Variants in VPS26A observed in about 807,000 individuals in gnomAD.
VPS26A encodes vacuolar protein sorting-associated protein 26A.
A neutral mutation model predicts 42.4 loss-of-function variants in VPS26A; 22 were observed. That is an observed-to-expected ratio of 0.52 (90% CI 0.37 to 0.74). VPS26A has a LOEUF of 0.74. VPS26A is among the 30% of genes least tolerant of loss of function. VPS26A has a pLI of 0.00. For synonymous variants in VPS26A, 110 were observed against 123.5 expected (o/e 0.89, Z 0.73); for missense variants, 276 against 379.2 (o/e 0.73, Z 2.26).
intron 6 of VPS26A, among the ~76,000 whole-genome samples, chr10:69,163,766 CTTTTTTT>C (rs869154106): frequency 2.2e-5 from 3 of 133,612 alleles, no homozygotes; most frequent in Non-Finnish European, 3.2e-5. Context: ...TTTCAGTTTT[CTTTTTTT>C]TTTTTTTTTT....
At chr10:69,166,464 T>C (rs892765278) in intron 7 of VPS26A, among the ~76,000 whole-genome samples, 3 of 152,248 alleles carry the variant, frequency 2.0e-5, no homozygotes. Context: ...CATTAATTCC[T>C]GTAGGTTTTT....
rs1841839568 is a variant in VPS26A, at chr10:69,172,531, A to T, written c.*1262A>T. Reference sequence around the variant, plus strand: ...TGTCAGTTAACCTTACTTTATGAGTAAGCTAAATAACCCAAATTACATTTC... The same window carrying T: ...TGTCAGTTAACCTTACTTTATGAGTTAGCTAAATAACCCAAATTACATTTC... On this transcript the variant is annotated 3_prime_UTR_variant, in exon 9 of 9. Coordinates refer to ENST00000263559, the MANE Select transcript of VPS26A (RefSeq NM_004896.5). The T allele has an allele frequency of 1.3e-5, 2 of 152,646 alleles. No homozygotes were observed. Among genetic ancestry groups the T allele is most frequent in the African/African-American group, 4.8e-5 (2 of 41,446 alleles). The allele number at this position is 152,646 out of a possible 1,614,324, so 9.5% of individuals were successfully genotyped here. A position where few individuals can be genotyped will look rare whatever the true frequency, so the allele number is the denominator to read the frequency against.
chr10:69,171,419 A>G lies in VPS26A; in HGVS notation c.*150A>G. 1 of 575,578 alleles carries G rather than the reference A, an allele frequency of 1.7e-6. No homozygotes were observed. The highest frequency in any genetic ancestry group is 2.3e-5 in the South Asian group (1 of 43,124). The allele number at this position is 575,578 out of a possible 1,614,324, so 35.7% of individuals were successfully genotyped here. A position where few individuals can be genotyped will look rare whatever the true frequency, so the allele number is the denominator to read the frequency against. On this transcript the variant is annotated 3_prime_UTR_variant, in exon 9 of 9. Transcript: ENST00000263559. The stretch of plus-strand genomic sequence containing the variant: ...TCCTTTATCTTACAGCGCAGCATTT[A>G]TTTTATGATATAATGAAATGTTCGT...
intron 2 of VPS26A, among the ~76,000 whole-genome samples, chr10:69,149,894 C>A (rs1841261405): frequency 4.6e-5 from 7 of 151,326 alleles, no homozygotes; most frequent in Admixed American, 4.6e-4. Context: ...CAGGCGCGTG[C>A]CATCACGCCC....
intron 6 of VPS26A, among the ~76,000 whole-genome samples, chr10:69,162,949 CAAAA>C (rs1841592437): frequency 6.6e-6 from 1 of 151,720 alleles, no homozygotes; most frequent in Non-Finnish European, 1.5e-5. Context: ...AAAAGAAAAA[CAAAA>C]ACCAAAACTT....
chr10:69,138,654 AT>A (rs1392327415), intron 2 of VPS26A, among the ~76,000 whole-genome samples: 1 of 152,122 alleles, frequency 6.6e-6, no homozygotes, highest in Non-Finnish European at 1.5e-5. Flanking sequence ...TAATAAATTT[AT>A]TTTTATTTGT....
intron 2 of VPS26A, among the ~76,000 whole-genome samples, chr10:69,136,759 T>C (rs35512233): frequency 0.18 from 27,008 of 152,044 alleles, 2,788 homozygotes; most frequent in Non-Finnish European, 0.23. Context: ...ATGCTTGACC[T>C]TTTTCCTTTT....
intron 2 of VPS26A, among the ~76,000 whole-genome samples, chr10:69,137,399 A>G (rs986415909): frequency 3.9e-5 from 6 of 152,316 alleles, no homozygotes; most frequent in South Asian, 2.1e-4. Flanking sequence ...TCTGAAGTTC[A>G]GGATTTTCTT....
chr10:69,129,205 A>G (rs1000604866), intron 1 of VPS26A, among the ~76,000 whole-genome samples: 1 of 152,018 alleles, frequency 6.6e-6, no homozygotes, highest in Non-Finnish European at 1.5e-5. Flanking sequence ...CTACCCTTTC[A>G]TGATTGCTCC....
At chr10:69,152,333 G>A (rs1841330767) in intron 2 of VPS26A, among the ~76,000 whole-genome samples, 1 of 151,996 alleles carries the variant, frequency 6.6e-6, no homozygotes, top group Non-Finnish European at 1.5e-5. Flanking sequence ...AAATATAATC[G>A]GCATATACTT....
intron 5 of VPS26A, among the ~76,000 whole-genome samples, chr10:69,159,009 T>A (rs1281182494): frequency 6.6e-6 from 1 of 152,240 alleles, no homozygotes; most frequent in African/African-American, 2.4e-5. Context: ...GATTGCCATT[T>A]AAATGCCCAC....
intron 2 of VPS26A, among the ~76,000 whole-genome samples, chr10:69,142,978 A>G (rs1293357988): frequency 6.6e-6 from 1 of 152,230 alleles, no homozygotes; most frequent in East Asian, 1.9e-4. Flanking sequence ...AGAATATAAG[A>G]AAAGCCCTTA....
In VPS26A at chr10:69,166,034, T is replaced by C; in HGVS notation, c.659-8T>C. 2 of 1,609,626 alleles carry C rather than the reference T, an allele frequency of 1.2e-6. No individual in the cohort carries two copies. The highest frequency in any genetic ancestry group is 1.7e-6 in the Non-Finnish European group (2 of 1,176,588). On this transcript the variant is annotated splice_region_variant and splice_polypyrimidine_tract_variant and intron_variant, in intron 6 of 8. Coordinates refer to ENST00000263559, the MANE Select transcript of VPS26A (RefSeq NM_004896.5). ...TTTAAATTAATGTTATTTACATTAT[T>C]GCACTAGGACCCAGTACCACAACAG...
rs987568600 is a variant in VPS26A, at chr10:69,124,186, G to T, written c.-92G>T. The T allele has an allele frequency of 3.0e-5, 37 of 1,246,038 alleles. No individual in the cohort carries two copies. Among genetic ancestry groups the T allele is most frequent in the Non-Finnish European group, 3.8e-5 (37 of 985,500 alleles). The allele number at this position is 1,246,038 out of a possible 1,614,324, so 77.2% of individuals were successfully genotyped here. On this transcript the variant is annotated 5_prime_UTR_variant, in exon 1 of 9. Coordinates refer to ENST00000263559, the MANE Select transcript of VPS26A (RefSeq NM_004896.5). Reference sequence around the variant, plus strand: ...CGTGTGAGGGGCGGCCCGAGGTCACGTGACGGAGCGCCGGAGCGGAGGGAG... The same window carrying T: ...CGTGTGAGGGGCGGCCCGAGGTCACTTGACGGAGCGCCGGAGCGGAGGGAG...
intron 2 of VPS26A, among the ~76,000 whole-genome samples, chr10:69,147,644 C>T (rs947134118): frequency 1.3e-4 from 20 of 152,314 alleles, no homozygotes; most frequent in African/African-American, 4.8e-4. Context: ...GTTGTTTCAG[C>T]ACTATTTGCT....
In VPS26A at chr10:69,172,668, T is replaced by C. The variant is rs1841843679; in HGVS notation, c.*1399T>C. Reference sequence around the variant, plus strand: ...CTGGAGCATCTGTTCTACATGTGGATATCTATGAATGGTAATGTTTTCCTT... The same window carrying C: ...CTGGAGCATCTGTTCTACATGTGGACATCTATGAATGGTAATGTTTTCCTT... On this transcript the variant is annotated 3_prime_UTR_variant, in exon 9 of 9. Coordinates refer to ENST00000263559, the MANE Select transcript of VPS26A (RefSeq NM_004896.5). 6.5e-6 allele frequency: 1 copy of C among 152,682 alleles called. No homozygotes were observed. The allele number at this position is 152,682 out of a possible 1,614,324, so 9.5% of individuals were successfully genotyped here. A position where few individuals can be genotyped will look rare whatever the true frequency, so the allele number is the denominator to read the frequency against.
At chr10:69,135,054 G>A (rs1480246993) in intron 2 of VPS26A, among the ~76,000 whole-genome samples, 4 of 152,146 alleles carry the variant, frequency 2.6e-5, no homozygotes, top group Non-Finnish European at 5.9e-5. Flanking sequence ...CTTGTTAATG[G>A]GCTGGGGGCA....
chr10:69,168,696 T>C (rs2132241697), intron 8 of VPS26A, 65 bp downstream of exon 8: 2 of 1,570,624 alleles, frequency 1.3e-6, no homozygotes, highest in South Asian at 2.4e-5. Flanking sequence ...GAAAGCACTC[T>C]TCTAAGCTTC....
At chr10:69,132,525 T>G (rs1444012455) in intron 1 of VPS26A, among the ~76,000 whole-genome samples, 1 of 151,282 alleles carries the variant, frequency 6.6e-6, no homozygotes, top group Non-Finnish European at 1.5e-5. Flanking sequence ...TCACTGCAAC[T>G]TCTGCCTCCT....
Sources: allele counts gnomAD v4.1 joint callset (sites outside exome capture counted in the v4.1 genomes callset), GRCh38; gene constraint gnomAD v4.1.1; transcripts MANE v1.5; gene names NCBI Gene and HGNC (gene_info 2026-07-23, HGNC 2026-07-21).